Variants in TUBGCP3 observed in about 807,000 individuals in gnomAD.
The protein encoded by TUBGCP3 is gamma-tubulin complex component 3.
In TUBGCP3, 50 loss-of-function variants were observed where a neutral mutation model predicts 123.1. That is an observed-to-expected ratio of 0.41 (90% CI 0.32 to 0.51). The LOEUF (loss-of-function observed/expected upper bound fraction) is 0.51. Ranked by LOEUF, TUBGCP3 falls within the 20% of genes least tolerant of loss-of-function variation. The probability of loss-of-function intolerance (pLI) is 0.36; values close to 1 mark genes in which losing one functional copy is unlikely to be tolerated. For synonymous variants in TUBGCP3, 405 were observed against 413.9 expected, an observed-to-expected ratio of 0.98 and a Z score of 0.26; for missense variants, 882 against 1,127.0, an observed-to-expected ratio of 0.78 and a Z score of 3.11.
intron 3 of TUBGCP3, 115 bp from the exon 4 acceptor site, chr13:112,559,514 T>G: frequency 1.2e-6 from 1 of 821,716 alleles, no homozygotes; most frequent in Middle Eastern, 3.7e-4. Context: ...ATTCACATAG[T>G]AACGTCAAAT....
At chr13:112,495,967 G>T (rs1448527241) in intron 20 of TUBGCP3, among the ~76,000 whole-genome samples, 3 of 151,930 alleles carry the variant, frequency 2.0e-5, no homozygotes, top group Non-Finnish European at 4.4e-5. Flanking sequence ...AATAAAAGAA[G>T]AAATATTTTT....
rs1330806801 is a variant in TUBGCP3 at position 112,554,846 on chromosome 13, T to C, written c.840+41A>G. 4.2e-6 allele frequency: 6 copies of C among 1,437,528 alleles called. No individual in the cohort carries two copies. In the East Asian group the frequency reaches 9.1e-5, roughly 22 times the overall value. 89.0% of individuals were successfully genotyped at this position (1,437,528 alleles called of 1,614,324 possible). A position where few individuals can be genotyped will look rare whatever the true frequency, so the allele number is the denominator to read the frequency against. On this transcript the variant is annotated intron_variant, in intron 7 of 21. Transcript: ENST00000261965. Reference sequence around the variant, plus strand: ...CTATCTGGACTTCATGACATGTTTTTTCTTTCTGAATATTTTAACTTAGAT... The same window carrying C: ...CTATCTGGACTTCATGACATGTTTTCTCTTTCTGAATATTTTAACTTAGAT...
chr13:112,515,027 G>T (rs1046730193), intron 17 of TUBGCP3, among the ~76,000 whole-genome samples: 2 of 152,074 alleles, frequency 1.3e-5, no homozygotes, highest in Non-Finnish European at 2.9e-5. Context: ...TGTGAAGCAG[G>T]ATCCTAGCGA....
At chr13:112,564,219 A>T (rs928947325) in intron 3 of TUBGCP3, among the ~76,000 whole-genome samples, 1 of 152,238 alleles carries the variant, frequency 6.6e-6, no homozygotes, top group Non-Finnish European at 1.5e-5. Flanking sequence ...CAAGTCAAAC[A>T]ATTAAGGAAT....
chr13:112,521,042 C>T (rs899909716), intron 14 of TUBGCP3, among the ~76,000 whole-genome samples: 2 of 152,176 alleles, frequency 1.3e-5, no homozygotes, highest in Non-Finnish European at 2.9e-5. Context: ...TGCGTTCAGC[C>T]GGCTCTATGA....
At chr13:112,505,005 T>C in intron 17 of TUBGCP3, among the ~76,000 whole-genome samples, 1 of 152,234 alleles carries the variant, frequency 6.6e-6, no homozygotes, top group East Asian at 1.9e-4. Flanking sequence ...AAAACATTTA[T>C]TTTATAATAA....
chr13:112,494,954 T>G lies in TUBGCP3; in HGVS notation c.2448+4091A>C, dbSNP rs1053799621. Among the ~76,000 whole-genome samples the G allele has an allele frequency of 3.9e-5, 6 of 152,256 alleles. 1 individual carries two copies. Among genetic ancestry groups the G allele is most frequent in the Non-Finnish European group, 7.3e-5 (5 of 68,046 alleles). Reference sequence around the variant, plus strand: ...CCTGTTGAGCTGTTTGGGCTCCTTATATATTCTGGTTATCAATCCCTCGCC... The same window carrying G: ...CCTGTTGAGCTGTTTGGGCTCCTTAGATATTCTGGTTATCAATCCCTCGCC... On this transcript the variant is annotated intron_variant, in intron 20 of 21. Coordinates refer to ENST00000261965, the MANE Select transcript of TUBGCP3 (RefSeq NM_006322.6).
At chr13:112,549,846 C>A (rs948915110) in intron 8 of TUBGCP3, among the ~76,000 whole-genome samples, 1 of 151,876 alleles carries the variant, frequency 6.6e-6, no homozygotes, top group Non-Finnish European at 1.5e-5. Flanking sequence ...AAAAATTAGC[C>A]GGGCGTGTTG....
intron 19 of TUBGCP3, among the ~76,000 whole-genome samples, chr13:112,503,217 T>C (rs1340819096): frequency 1.3e-5 from 2 of 152,168 alleles, no homozygotes; most frequent in Non-Finnish European, 2.9e-5. Context: ...GTGAAAGCAA[T>C]GTGGTTCCTT....
chr13:112,533,986 G>T (rs1877813129), intron 11 of TUBGCP3, among the ~76,000 whole-genome samples: 1 of 151,934 alleles, frequency 6.6e-6, no homozygotes, highest in South Asian at 2.1e-4. Context: ...CCCTCCAAGG[G>T]AATTTCTTGG....
the TUBGCP3 span, among the ~76,000 whole-genome samples, chr13:112,601,344 A>G: frequency 6.6e-6 from 1 of 152,136 alleles, no homozygotes; most frequent in Non-Finnish European, 1.5e-5. Flanking sequence ...TGCACTTGCC[A>G]TGAACTTTAA....
At chr13:112,575,196 T>TG (rs200799693) in intron 1 of TUBGCP3, among the ~76,000 whole-genome samples, 1,592 of 152,292 alleles carry the variant, frequency 0.01, 12 homozygotes, top group Non-Finnish European at 0.015. Context: ...CCCTTAAAGC[T>TG]GTGTACTATC....
chr13:112,522,494 G>C lies in TUBGCP3; in HGVS notation c.1571C>G (p.Thr524Arg). 6.2e-7 allele frequency: 1 copy of C among 1,613,110 alleles called. No homozygotes were observed. Among genetic ancestry groups the C allele is most frequent in the African/African-American group, 1.3e-5 (1 of 75,026 alleles). Residue 524 changes from threonine to arginine, a missense_variant, in exon 14 of 22, where the codon ACA becomes AGA. By Grantham distance (71) the Thr-to-Arg change is moderately conservative (BLOSUM62 -1). Transcript: ENST00000261965. ...CCCCTGAAATGCATTTTCCAAGTCTGTGAATAGGTCTGCAGCTGTAAAGAA... is the reference window on the plus strand; with the variant it reads ...CCCCTGAAATGCATTTTCCAAGTCTCTGAATAGGTCTGCAGCTGTAAAGAA... ...ESPQDAADLF[T>R]DLENAFQGKI...
At chr13:112,589,510 C>T (rs1882830223), upstream of TUBGCP3, among the ~76,000 whole-genome samples, 1 of 152,212 alleles carries the variant, frequency 6.6e-6, no homozygotes. Context: ...AAGTTAATAG[C>T]ATTAATTAGA....
rs1877192797 is a variant in TUBGCP3 at position 112,527,054 on chromosome 13, A to G, written c.1447-4T>C. 1 of 1,607,544 alleles carries G rather than the reference A, an allele frequency of 6.2e-7. No individual in the cohort carries two copies. The highest frequency in any genetic ancestry group is 8.5e-7 in the Non-Finnish European group (1 of 1,174,186). ...TTGATTTTCCTATCAAAAGGACCTAAAAAGAAAAACATTCTATGATTACTT... is the reference window on the plus strand; with the variant it reads ...TTGATTTTCCTATCAAAAGGACCTAGAAAGAAAAACATTCTATGATTACTT... On this transcript the variant is annotated splice_region_variant and splice_polypyrimidine_tract_variant and intron_variant, in intron 12 of 21. Transcript: ENST00000261965.
rs1387923519 is a variant in TUBGCP3 at position 112,508,223 on chromosome 13, C to T, written c.2087-3509G>A. ...GCCCGCCTCTCCCTCCTAGCACACACTTAAAAGGCCAACCCGTATCCCCTC... is the reference window on the plus strand; with the variant it reads ...GCCCGCCTCTCCCTCCTAGCACACATTTAAAAGGCCAACCCGTATCCCCTC... On this transcript the variant is annotated intron_variant, in intron 17 of 21. Transcript: ENST00000261965. The surrounding 1 kb of genome is among the most constrained non-coding windows in gnomAD (Gnocchi z 4.2). Among the ~76,000 whole-genome samples, 1 of 152,180 alleles carries T rather than the reference C, an allele frequency of 6.6e-6. No homozygotes were observed. Among genetic ancestry groups the T allele is most frequent in the East Asian group, 1.9e-4 (1 of 5,190 alleles).
intron 18 of TUBGCP3, 88 bp downstream of exon 18, chr13:112,504,538 A>G (rs1237846905): frequency 3.2e-6 from 3 of 938,162 alleles, no homozygotes; most frequent in African/African-American, 4.0e-5. Context: ...ATATACACAC[A>G]TACATACACA....
chr13:112,500,711 T>C (rs770159604), intron 19 of TUBGCP3, among the ~76,000 whole-genome samples: 12 of 152,170 alleles, frequency 7.9e-5, no homozygotes, highest in African/African-American at 2.4e-4. Flanking sequence ...TACAGTTGAT[T>C]TGGGGAGAAA....
chr13:112,587,268 C>T (rs1594242396), intron 1 of TUBGCP3: 1 of 152,358 alleles, frequency 6.6e-6, no homozygotes, highest in Non-Finnish European at 1.5e-5. Context: ...ACAATATTCG[C>T]CATGTGAACT....
Sources: gnomAD v4.1 joint callset for allele counts (sites outside exome capture counted in the v4.1 genomes callset) on GRCh38, gnomAD v4.1.1 for gene constraint, Gnocchi (gnomAD v3.1) non-coding constraint, MANE v1.5 for transcripts, NCBI Gene and HGNC (gene_info 2026-07-23, HGNC 2026-07-21) for gene names.